Variants in PTER observed in about 807,000 individuals in gnomAD.
The protein encoded by PTER is N-acetyltaurine hydrolase.
In PTER, 38 loss-of-function variants were observed where a neutral mutation model predicts 29.6. The observed-to-expected ratio is 1.28, with a 90% CI of 0.99 to 1.68. The LOEUF is 1.68. Ranked by LOEUF, PTER falls within the 40% of genes most tolerant of loss-of-function variation. PTER has a pLI of 0.00. For missense variants in PTER, 482 were observed against 427.8 expected (o/e 1.13, Z -1.12); for synonymous variants, 172 against 154.5 (o/e 1.11, Z -0.84).
At chr10:16,482,121 A>C (rs1016194305) in intron 1 of PTER, among the ~76,000 whole-genome samples, 2 of 152,212 alleles carry the variant, frequency 1.3e-5, no homozygotes, top group African/African-American at 4.8e-5. Flanking sequence ...CTATCAAACA[A>C]AATCAATGGC....
At chr10:16,507,940 C>G (rs1200475358) in intron 4 of PTER, among the ~76,000 whole-genome samples, 1 of 152,210 alleles carries the variant, frequency 6.6e-6, no homozygotes, top group Non-Finnish European at 1.5e-5. Flanking sequence ...CTATTCCTTG[C>G]CTAAGGGCAT....
At chr10:16,462,878 C>T (rs897782210) in intron 1 of PTER, among the ~76,000 whole-genome samples, 3 of 150,884 alleles carry the variant, frequency 2.0e-5, no homozygotes, top group Non-Finnish European at 4.4e-5. Flanking sequence ...GCCACATAAT[C>T]TACTCTTAAC....
chr10:16,482,533 C>T (rs1480126817), intron 1 of PTER, among the ~76,000 whole-genome samples: 7 of 152,218 alleles, frequency 4.6e-5, no homozygotes. Context: ...AAATGTGCTT[C>T]GTTATTTTAA....
chr10:16,441,647 G>A (rs996390849), intron 1 of PTER, among the ~76,000 whole-genome samples: 1 of 152,210 alleles, frequency 6.6e-6, no homozygotes, highest in Non-Finnish European at 1.5e-5. Context: ...AGTCAGGCGA[G>A]TGATATGATG....
At chr10:16,456,863 G>C (rs181917398) in intron 1 of PTER, among the ~76,000 whole-genome samples, 2 of 49,936 alleles carry the variant, frequency 4.0e-5, no homozygotes, top group Admixed American at 2.0e-4. Context: ...TGGGGAAGGT[G>C]GGGGGGGGTT....
At chr10:16,507,586 G>A (rs60165268) in intron 4 of PTER, among the ~76,000 whole-genome samples, 9,579 of 152,216 alleles carry the variant, frequency 0.063, 590 homozygotes, top group East Asian at 0.16. Context: ...TCACATTTAC[G>A]TCTGTATGCC....
At chr10:16,479,719 C>T (rs1369759577) in intron 1 of PTER, among the ~76,000 whole-genome samples, 1 of 150,220 alleles carries the variant, frequency 6.7e-6, no homozygotes, top group Non-Finnish European at 1.5e-5. Flanking sequence ...CCTCTTACTG[C>T]TTCTGGTTTC....
intron 1 of PTER, among the ~76,000 whole-genome samples, chr10:16,474,888 A>AAAAAC (rs1564396276): frequency 6.6e-6 from 1 of 152,176 alleles, no homozygotes; most frequent in East Asian, 1.9e-4. Flanking sequence ...CTCCATCTCA[A>AAAAAC]AAAACAAAAC....
chr10:16,476,438 A>T (rs1462333699), intron 1 of PTER, among the ~76,000 whole-genome samples: 1 of 151,982 alleles, frequency 6.6e-6, no homozygotes, highest in African/African-American at 2.4e-5. Context: ...TTTTATTTCA[A>T]ATCTTATGTG....
chr10:16,466,146 G>A (rs537376393), intron 1 of PTER, among the ~76,000 whole-genome samples: 2 of 152,222 alleles, frequency 1.3e-5, no homozygotes, highest in African/African-American at 4.8e-5. Flanking sequence ...CTAGTTACAA[G>A]TACAACTCTC....
downstream of PTER, among the ~76,000 whole-genome samples, chr10:16,517,352 A>T (rs1349628470): frequency 6.6e-6 from 1 of 152,226 alleles, no homozygotes; most frequent in African/African-American, 2.4e-5. Flanking sequence ...TCATCCTTTT[A>T]AAAATATTTC....
chr10:16,514,441 G>T, downstream of PTER: 1 of 1,136,712 alleles, frequency 8.8e-7, no homozygotes, highest in Non-Finnish European at 1.3e-6. Context: ...CCCTGCCATT[G>T]GCATCCCCTG....
intron 1 of PTER, among the ~76,000 whole-genome samples, chr10:16,474,240 G>A (rs1835170060): frequency 6.6e-6 from 1 of 152,034 alleles, no homozygotes. Context: ...AGTTAATAGA[G>A]GACCTTGGTT....
At chr10:16,466,848 C>T (rs574289093) in intron 1 of PTER, among the ~76,000 whole-genome samples, 5 of 152,170 alleles carry the variant, frequency 3.3e-5, no homozygotes, top group Admixed American at 1.3e-4. Context: ...AAAAATTAAA[C>T]GGCCTTAGCA....
intron 1 of PTER, chr10:16,476,168 C>T (rs1435880848): frequency 6.6e-6 from 1 of 152,260 alleles, no homozygotes; most frequent in South Asian, 2.1e-4. Context: ...ACTACAACCT[C>T]TGCCTCCCGG....
At chr10:16,459,755 T>TTTACTTAC (rs201665475) in intron 1 of PTER, among the ~76,000 whole-genome samples, 7 of 150,788 alleles carry the variant, frequency 4.6e-5, no homozygotes, top group African/African-American at 1.7e-4. Flanking sequence ...TATTTATTTA[T>TTTACTTAC]TTACTTATTT....
chr10:16,469,851 G>A (rs1458488035), intron 1 of PTER, among the ~76,000 whole-genome samples: 2 of 151,836 alleles, frequency 1.3e-5, no homozygotes, highest in Admixed American at 6.6e-5. Flanking sequence ...GTGGTGCTGG[G>A]GTTATAGCAT....
intron 3 of PTER, among the ~76,000 whole-genome samples, chr10:16,501,328 TACACACACACACAC>T (rs35321143): frequency 4.3e-5 from 5 of 117,242 alleles, no homozygotes; most frequent in South Asian, 3.8e-4. Context: ...AATGAATAAC[TACACACACACACAC>T]ACACACACAC....
chr10:16,507,380 T>C (rs1836616238), intron 4 of PTER, among the ~76,000 whole-genome samples: 1 of 152,032 alleles, frequency 6.6e-6, no homozygotes, highest in South Asian at 2.1e-4. Context: ...TAGTTCCCTA[T>C]GATAACAAGA....
Sources: allele counts gnomAD v4.1 joint callset (sites outside exome capture counted in the v4.1 genomes callset), GRCh38; gene constraint gnomAD v4.1.1; transcripts MANE v1.5; gene names NCBI Gene and HGNC (gene_info 2026-07-23, HGNC 2026-07-21).